The following ZC3H3 variants were observed in gnomAD, a reference collection of about 807,000 sequenced individuals.
ZC3H3 encodes the protein zinc finger CCCH domain-containing protein 3.
ZC3H3 carries 36 observed loss-of-function variants against 77.3 expected under a neutral mutation model. The ratio of observed to expected loss-of-function variants is 0.47; its 90% CI spans 0.36 to 0.61. The LOEUF (loss-of-function observed/expected upper bound fraction) is 0.61. Among genes scored for constraint, ZC3H3 ranks in the 20% least tolerant of loss-of-function variants. The pLI is 0.00. For missense variants in ZC3H3, 1,331 were observed against 1,312.2 expected (o/e 1.01, Z -0.22); for synonymous variants, 626 against 555.2 (o/e 1.13, Z -1.79).
intron 4 of ZC3H3, among the ~76,000 whole-genome samples, chr8:143,483,558 C>G (rs1307087663): frequency 6.6e-6 from 1 of 152,156 alleles, no homozygotes; most frequent in Non-Finnish European, 1.5e-5. Context: ...TCAGGCCAGA[C>G]AGAGCAGAGG....
chr8:143,444,401 A>G (rs557398847), intron 9 of ZC3H3, among the ~76,000 whole-genome samples: 1 of 152,306 alleles, frequency 6.6e-6, no homozygotes, highest in East Asian at 1.9e-4. Flanking sequence ...ACCAAATCTG[A>G]CCAGGACTAT....
Position 143,475,383 on chromosome 8 carries a change from G to A in ZC3H3, c.1903+15C>T, listed in dbSNP as rs368084781. ...GTCGGTGTCATCTCCCAGCGCCCCC[G>A]CCCTCACCTCTCACCTGTGCGCAGG... On this transcript the variant is annotated intron_variant, in intron 5 of 11. Transcript: ENST00000262577. 111 of 1,608,162 alleles carry A rather than the reference G, an allele frequency of 6.9e-5. No homozygotes were observed. Among genetic ancestry groups the A allele is most frequent in the Non-Finnish European group, 8.8e-5 (104 of 1,177,230 alleles).
At chr8:143,438,146 T>G in intron 11 of ZC3H3, 59 bp from the exon 12 acceptor site, 2 of 1,573,228 alleles carry the variant, frequency 1.3e-6, no homozygotes, top group Non-Finnish European at 1.7e-6. Context: ...CTCCCCAGCC[T>G]GCAAAGCTCC....
At chr8:143,512,218 T>A (rs1821890769) in intron 3 of ZC3H3, among the ~76,000 whole-genome samples, 1 of 152,196 alleles carries the variant, frequency 6.6e-6, no homozygotes, top group Non-Finnish European at 1.5e-5. Context: ...GACGGATGGC[T>A]GTGGGCTGTG....
At chr8:143,491,282 A>C (rs1821194756) in intron 4 of ZC3H3, among the ~76,000 whole-genome samples, 1 of 152,224 alleles carries the variant, frequency 6.6e-6, no homozygotes, top group African/African-American at 2.4e-5. Context: ...GGCTCCCTCC[A>C]GATTTGTCAC....
chr8:143,449,026 G>T (rs1819926585), intron 9 of ZC3H3, among the ~76,000 whole-genome samples: 1 of 152,246 alleles, frequency 6.6e-6, no homozygotes, highest in Non-Finnish European at 1.5e-5. Context: ...GCCACAGCTG[G>T]AGCTGGACTG....
In ZC3H3 at chr8:143,461,622, T is replaced by C. The variant is rs544493741; in HGVS notation, c.2307+4095A>G. Reference sequence around the variant, plus strand: ...CAACCACCCGAACGGACAAAGAAAGTGTGGAGAGCCTCTGCAGCGGCTTGA... The same window carrying C: ...CAACCACCCGAACGGACAAAGAAAGCGTGGAGAGCCTCTGCAGCGGCTTGA... On this transcript the variant is annotated intron_variant, in intron 9 of 11. Transcript: ENST00000262577. Among the ~76,000 whole-genome samples the C allele has an allele frequency of 2.0e-3, 299 of 152,044 alleles. 1 individual carries two copies. Among genetic ancestry groups the C allele is most frequent in the Non-Finnish European group, 3.2e-3 (219 of 67,996 alleles).
chr8:143,523,534 T>C (rs1168228613), intron 3 of ZC3H3: 3 of 985,156 alleles, frequency 3.0e-6, no homozygotes, highest in Non-Finnish European at 3.6e-6. Context: ...ACTGCCACCA[T>C]CCCTCAGGCA....
At position 143,530,677 on chromosome 8, in the gene ZC3H3, A is replaced by G. The variant is rs768024813; in HGVS notation, c.1561+5580T>C. 1.3e-5 allele frequency among the ~76,000 whole-genome samples: 2 copies of G among 152,074 alleles called. No homozygotes were observed. Among genetic ancestry groups the G allele is most frequent in the African/African-American group, 2.4e-5 (1 of 41,390 alleles). On this transcript the variant is annotated intron_variant, in intron 3 of 11. Coordinates refer to ENST00000262577, the MANE Select transcript of ZC3H3 (RefSeq NM_015117.3). The surrounding 1 kb of genome is among the most constrained non-coding windows in gnomAD (Gnocchi z 4.3). ...ACGGGCCCCAGGAGGATGTACCACG[A>G]AGCTGGCCCCACTTCCCCCGCACCA... is the stretch of plus-strand genomic sequence containing the variant.
intron 3 of ZC3H3, among the ~76,000 whole-genome samples, chr8:143,532,087 A>G (rs574995616): frequency 2.6e-5 from 4 of 152,394 alleles, no homozygotes; most frequent in African/African-American, 7.2e-5. Flanking sequence ...AAAATAATCC[A>G]ATTTGCAAGG....
At chr8:143,534,852 G>A (rs532438056) in intron 3 of ZC3H3, among the ~76,000 whole-genome samples, 18 of 152,118 alleles carry the variant, frequency 1.2e-4, no homozygotes, top group Non-Finnish European at 2.4e-4. Context: ...GGGTACAGCC[G>A]ACCAGCGCCC....
chr8:143,466,594 G>A (rs1448003282), intron 8 of ZC3H3, among the ~76,000 whole-genome samples: 1 of 152,180 alleles, frequency 6.6e-6, no homozygotes, highest in Non-Finnish European at 1.5e-5. Context: ...GAGGGAAGCA[G>A]GGGGTCTCTT....
intron 3 of ZC3H3, among the ~76,000 whole-genome samples, chr8:143,531,681 G>A (rs746408110): frequency 6.6e-6 from 1 of 152,062 alleles, no homozygotes; most frequent in Non-Finnish European, 1.5e-5. Context: ...CTGATAATAT[G>A]CGCCAAAATA....
intron 3 of ZC3H3, among the ~76,000 whole-genome samples, chr8:143,534,279 TA>T (rs551776128): frequency 0.027 from 3,353 of 123,454 alleles, 128 homozygotes; most frequent in African/African-American, 0.089. Flanking sequence ...CTAAAAACAT[TA>T]AAAAAAAAAA....
intron 9 of ZC3H3, among the ~76,000 whole-genome samples, chr8:143,448,555 G>C (rs911211928): frequency 6.6e-6 from 1 of 152,240 alleles, no homozygotes; most frequent in Non-Finnish European, 1.5e-5. Context: ...AGGGCACAGT[G>C]ATGCAAGGGG....
intron 4 of ZC3H3, among the ~76,000 whole-genome samples, chr8:143,491,331 C>T (rs768925796): frequency 7.2e-5 from 11 of 152,232 alleles, no homozygotes; most frequent in South Asian, 2.1e-4. Context: ...ATGCCACTGC[C>T]GGCCCACACG....
At chr8:143,472,346 G>A (rs1820591314) in intron 5 of ZC3H3, among the ~76,000 whole-genome samples, 1 of 152,272 alleles carries the variant, frequency 6.6e-6, no homozygotes, top group African/African-American at 2.4e-5. Context: ...TTCACAGTGT[G>A]GTGACGTCAG....
At chr8:143,525,292 C>G (rs35133539) in intron 3 of ZC3H3, among the ~76,000 whole-genome samples, 1 of 152,208 alleles carries the variant, frequency 6.6e-6, no homozygotes, top group African/African-American at 2.4e-5. Context: ...AGCACAGCCT[C>G]GGAGAGCCAC....
At position 143,530,322 on chromosome 8, in the gene ZC3H3, A is replaced by T. The variant is rs1457542668; in HGVS notation, c.1561+5935T>A. ...CTGGGCTTATTCCAGGCCACGGGGG[A>T]AGGGGGCAGGCCACCGGCATGCATC... On this transcript the variant is annotated intron_variant, in intron 3 of 11. Transcript: ENST00000262577. The surrounding 1 kb of genome is among the most constrained non-coding windows in gnomAD (Gnocchi z 4.3). Among the ~76,000 whole-genome samples, 2 of 151,752 alleles carry T rather than the reference A, an allele frequency of 1.3e-5. No homozygotes were observed. The highest frequency in any genetic ancestry group is 3.9e-4 in the East Asian group (2 of 5,144).
Sources: allele counts gnomAD v4.1 joint callset (sites outside exome capture counted in the v4.1 genomes callset), GRCh38; gene constraint gnomAD v4.1.1; non-coding constraint Gnocchi (gnomAD v3.1); transcripts MANE v1.5; gene names NCBI Gene and HGNC (gene_info 2026-07-23, HGNC 2026-07-21).